Variants in STAM observed in about 807,000 individuals in gnomAD.
The protein encoded by STAM is signal transducing adapter molecule 1.
STAM carries 16 observed loss-of-function variants against 63.4 expected under a neutral mutation model. The observed-to-expected ratio is 0.25, with a 90% CI of 0.17 to 0.38. The LOEUF (loss-of-function observed/expected upper bound fraction) is 0.38. Ranked by LOEUF, STAM falls within the 10% of genes least tolerant of loss-of-function variation. STAM has a pLI of 1.00. For synonymous variants in STAM, 238 were observed against 223.9 expected (o/e 1.06, Z -0.56); for missense variants, 636 against 657.1 (o/e 0.97, Z 0.35).
intron 2 of STAM, among the ~76,000 whole-genome samples, chr10:17,676,950 C>G (rs1368537635): frequency 6.6e-6 from 1 of 151,916 alleles, no homozygotes; most frequent in Non-Finnish European, 1.5e-5. Flanking sequence ...ATACTAAAAA[C>G]TGAATTAAAA....
At chr10:17,677,446 TTA>T (rs1167539476) in intron 2 of STAM, among the ~76,000 whole-genome samples, 1 of 152,228 alleles carries the variant, frequency 6.6e-6, no homozygotes, top group Non-Finnish European at 1.5e-5. Context: ...AAATAATTCT[TTA>T]TATCTGGCCT....
intron 6 of STAM, among the ~76,000 whole-genome samples, chr10:17,693,844 T>TG (rs1835647455): frequency 6.6e-6 from 1 of 152,150 alleles, no homozygotes; most frequent in African/African-American, 2.4e-5. Context: ...AAAGCAATAT[T>TG]GTTGGATCAT....
intron 1 of STAM, among the ~76,000 whole-genome samples, chr10:17,657,223 G>A (rs11598870): frequency 0.12 from 17,528 of 152,014 alleles, 1,107 homozygotes; most frequent in Middle Eastern, 0.16. Flanking sequence ...TAACACTTGT[G>A]GACTGTTAGG....
intron 2 of STAM, among the ~76,000 whole-genome samples, chr10:17,679,582 T>C (rs1484497228): frequency 7.2e-6 from 1 of 138,206 alleles, no homozygotes; most frequent in Non-Finnish European, 1.7e-5. Flanking sequence ...TGCGTGTGTT[T>C]TTTTTTTTTA....
Position 17,714,536 on chromosome 10 carries a change from T to C in STAM, c.1386-7T>C. ...TGATGTAATTGAGTGTTTTTCTTCC[T>C]CCACAGTACAATGGTCAGTTCCGTT... On this transcript the variant is annotated splice_polypyrimidine_tract_variant and splice_region_variant and intron_variant, in intron 13 of 13. Transcript: ENST00000377524. 1 of 1,612,868 alleles carries C rather than the reference T, an allele frequency of 6.2e-7. No homozygotes were observed. Among genetic ancestry groups the C allele is most frequent in the Non-Finnish European group, 8.5e-7 (1 of 1,178,854 alleles).
intron 2 of STAM, among the ~76,000 whole-genome samples, 154 bp from the exon 3 acceptor site, chr10:17,684,521 T>A (rs1301718485): frequency 6.6e-6 from 1 of 152,202 alleles, no homozygotes; most frequent in Admixed American, 6.5e-5. Flanking sequence ...AAGGAACTAG[T>A]TTACAGTTTT....
intron 9 of STAM, among the ~76,000 whole-genome samples, chr10:17,702,059 G>T (rs1002502435): frequency 7.9e-5 from 12 of 152,096 alleles, no homozygotes; most frequent in African/African-American, 2.9e-4. Context: ...ATAATAGCTT[G>T]ATTATATGAA....
At chr10:17,690,908 G>A (rs1835502710) in intron 5 of STAM, among the ~76,000 whole-genome samples, 1 of 152,120 alleles carries the variant, frequency 6.6e-6, no homozygotes, top group African/African-American at 2.4e-5. Flanking sequence ...TGATAGAAAG[G>A]AACTTTGAAT....
intron 2 of STAM, among the ~76,000 whole-genome samples, chr10:17,669,569 T>A (rs188705801): frequency 7.2e-5 from 11 of 152,258 alleles, no homozygotes; most frequent in African/African-American, 2.6e-4. Flanking sequence ...TAGTAGTGTT[T>A]TTAAGTTTTC....
rs1047050973 is a variant in STAM, at chr10:17,707,388, C to T, written c.1210-1388C>T. On this transcript the variant is annotated intron_variant, in intron 12 of 13. Coordinates refer to ENST00000377524, the MANE Select transcript of STAM (RefSeq NM_003473.4). ...TCGTGCCATTGCACTCCAGCCTGGGCGACAGAGCAAGACTCCACCTCAAAA... is the reference window on the plus strand; with the variant it reads ...TCGTGCCATTGCACTCCAGCCTGGGTGACAGAGCAAGACTCCACCTCAAAA... 5.3e-5 allele frequency among the ~76,000 whole-genome samples: 8 copies of T among 151,726 alleles called. No homozygotes were observed. The South Asian group carries it at 6.3e-4, about 12-fold the overall frequency.
At chr10:17,707,709 C>T (rs950924372) in intron 12 of STAM, among the ~76,000 whole-genome samples, 6 of 151,952 alleles carry the variant, frequency 3.9e-5, no homozygotes, top group Admixed American at 3.3e-4. Flanking sequence ...CCTTTGGATC[C>T]CTGTGTGGGT....
chr10:17,644,190 TG>T lies in STAM; in HGVS notation c.-146del. ...CCGCCGCAGCTGCTGCCGCGGTTGG[TG>T]GGGTTGGGTGAGAGGAGGAGCTGTC... is the stretch of plus-strand genomic sequence containing the variant. On this transcript the variant is annotated 5_prime_UTR_variant, in exon 1 of 14. Transcript: ENST00000377524. The T allele has an allele frequency of 1.3e-6, 1 of 768,290 alleles. No individual in the cohort carries two copies. The highest frequency in any genetic ancestry group is 2.2e-6 in the Non-Finnish European group (1 of 462,376). The allele number at this position is 768,290 out of a possible 1,614,324, so 47.6% of individuals were successfully genotyped here. A position where few individuals can be genotyped will look rare whatever the true frequency, so the allele number is the denominator to read the frequency against.
At chr10:17,679,086 G>T (rs1387649890) in intron 2 of STAM, among the ~76,000 whole-genome samples, 3 of 152,096 alleles carry the variant, frequency 2.0e-5, no homozygotes, top group African/African-American at 7.2e-5. Context: ...ACGGATATTG[G>T]TTAGAGTCCC....
intron 1 of STAM, among the ~76,000 whole-genome samples, chr10:17,659,280 C>T (rs1400835076): frequency 6.6e-6 from 1 of 151,870 alleles, no homozygotes; most frequent in Non-Finnish European, 1.5e-5. Context: ...TGCTGTCATT[C>T]ATTCTACTTA....
chr10:17,689,174 C>T (rs1253294517), intron 5 of STAM, among the ~76,000 whole-genome samples: 1 of 152,130 alleles, frequency 6.6e-6, no homozygotes, highest in Non-Finnish European at 1.5e-5. Flanking sequence ...TTTGGGTAAC[C>T]TTCCTTTAGG....
intron 2 of STAM, among the ~76,000 whole-genome samples, chr10:17,667,732 G>A (rs965350121): frequency 6.6e-6 from 1 of 152,226 alleles, no homozygotes; most frequent in Admixed American, 6.5e-5. Flanking sequence ...AGGTAGACTG[G>A]TATGAGGGGG....
At chr10:17,676,916 T>C (rs1393811405) in intron 2 of STAM, among the ~76,000 whole-genome samples, 2 of 151,812 alleles carry the variant, frequency 1.3e-5, no homozygotes, top group African/African-American at 4.8e-5. Context: ...TATATAAAAG[T>C]TCAGTATTAC....
chr10:17,688,188 A>C lies in STAM; in HGVS notation c.444+15A>C, dbSNP rs1316533851. 4 of 1,520,240 alleles carry C rather than the reference A, an allele frequency of 2.6e-6. No individual in the cohort carries two copies. The highest frequency in any genetic ancestry group is 4.8e-5 in the East Asian group (2 of 42,088). The allele number at this position is 1,520,240 out of a possible 1,614,324, so 94.2% of individuals were successfully genotyped here. ...TTGGCTCTCAGGTATTTTGGGAATG[A>C]AGTTGTGTGTGTGCTACAGTTTGTT... On this transcript the variant is annotated intron_variant, in intron 5 of 13. Transcript: ENST00000377524.
At chr10:17,662,868 CAG>C (rs1479391393) in intron 2 of STAM, among the ~76,000 whole-genome samples, 2 of 152,198 alleles carry the variant, frequency 1.3e-5, no homozygotes, top group African/African-American at 2.4e-5. Context: ...TATTTTGTGA[CAG>C]TTTCTGTTGA....
Sources: allele counts gnomAD v4.1 joint callset (sites outside exome capture counted in the v4.1 genomes callset), GRCh38; gene constraint gnomAD v4.1.1; transcripts MANE v1.5; gene names NCBI Gene and HGNC (gene_info 2026-07-23, HGNC 2026-07-21).